Variants in YIPF5 observed in about 807,000 individuals in gnomAD.
The protein encoded by YIPF5 is Yip1 domain family member 5.
A neutral mutation model predicts 30.4 loss-of-function variants in YIPF5; 8 were observed. That is an observed-to-expected ratio of 0.26 (90% confidence interval 0.15 to 0.47). The LOEUF is 0.47. YIPF5 is among the 20% of genes least tolerant of loss of function. The pLI, the probability that YIPF5 is intolerant of heterozygous loss-of-function variation, is 0.99. For missense variants in YIPF5, 282 were observed against 301.8 expected, an observed-to-expected ratio of 0.93 and a Z score of 0.49; for synonymous variants, 104 against 107.9, an observed-to-expected ratio of 0.96 and a Z score of 0.23.
In YIPF5 at chr5:144,165,580, C is replaced by T. The variant is rs369033320; in HGVS notation, c.135G>A (p.Ser45=). 2.2e-4 allele frequency: 357 copies of T among 1,613,914 alleles called. 1 individual carries two copies. In the South Asian group the frequency reaches 2.7e-3, roughly 12 times the overall value. ...CTGGAGGGACAAATCTGCCTTGCTGCGAATAGTCATAGCCAGCATACTGTC... is the reference window on the plus strand; with the variant it reads ...CTGGAGGGACAAATCTGCCTTGCTGTGAATAGTCATAGCCAGCATACTGTC... ...YSKQYAGYDY[S]QQGRFVPPDM... The change falls in exon 3 of 6, where the codon TCG becomes TCA. Residue 45 remains serine (S), a synonymous_variant. Transcript: ENST00000274496.
In YIPF5 at chr5:144,159,108, A is replaced by C. The variant is rs1751953469; in HGVS notation, c.*1289T>G. 1.0e-6 allele frequency: 1 copy of C among 981,540 alleles called. No individual in the cohort carries two copies. The highest frequency in any genetic ancestry group is 4.7e-5 in the South Asian group (1 of 21,220). 60.8% of individuals were successfully genotyped at this position (981,540 alleles called of 1,614,324 possible). A position where few individuals can be genotyped will look rare whatever the true frequency, so the allele number is the denominator to read the frequency against. On this transcript the variant is annotated 3_prime_UTR_variant, in exon 6 of 6. Coordinates refer to ENST00000274496, the MANE Select transcript of YIPF5 (RefSeq NM_030799.9). ...AAATCAAATAAATTTAATACAATAAAATAATGTAACTCAAACTGCTCATTT... is the reference window on the plus strand; with the variant it reads ...AAATCAAATAAATTTAATACAATAACATAATGTAACTCAAACTGCTCATTT...
At chr5:144,163,884 T>C (rs745952701) in intron 4 of YIPF5, 3 of 389,596 alleles carry the variant, frequency 7.7e-6, no homozygotes, top group Non-Finnish European at 1.3e-5. Flanking sequence ...TTTTTTCCCC[T>C]AATAATTTAA....
At chr5:144,162,119 A>T (rs1489596693) in intron 5 of YIPF5, 99 bp downstream of exon 5, 29 of 1,296,296 alleles carry the variant, frequency 2.2e-5, no homozygotes, top group Non-Finnish European at 3.0e-5. Flanking sequence ...ACTATCTGAT[A>T]TGTTTGCTGA....
chr5:144,163,290 T>G (rs1416902000), intron 4 of YIPF5, among the ~76,000 whole-genome samples: 1 of 152,192 alleles, frequency 6.6e-6, no homozygotes. Context: ...AATACTTGAT[T>G]AAAAATGCAG....
chr5:144,165,669 A>C, intron 2 of YIPF5, 65 bp from the exon 3 acceptor site: 3 of 1,477,932 alleles, frequency 2.0e-6, no homozygotes, highest in Non-Finnish European at 2.7e-6. Context: ...ATATCCCTTA[A>C]ATTCCTAAAT....
At position 144,158,503 on chromosome 5, in the gene YIPF5, C is replaced by G; in HGVS notation, c.*1894G>C. 8.2e-7 allele frequency: 1 copy of G among 1,221,212 alleles called. No individual in the cohort carries two copies. Among genetic ancestry groups the G allele is most frequent in the Non-Finnish European group, 1.0e-6 (1 of 965,486 alleles). The allele number at this position is 1,221,212 out of a possible 1,614,324, so 75.6% of individuals were successfully genotyped here. On this transcript the variant is annotated 3_prime_UTR_variant, in exon 6 of 6. Transcript: ENST00000274496. ...GAAGATTAACAGTGTTAAGTCTAACCAACAGCGAGATAATTTTAATTTCCA... is the reference window on the plus strand; with the variant it reads ...GAAGATTAACAGTGTTAAGTCTAACGAACAGCGAGATAATTTTAATTTCCA...
rs559859804 is a variant in YIPF5 at position 144,159,513 on chromosome 5, G to T, written c.*884C>A. ...TCATGTCTACAATAAGGTAGATTGT[G>T]AACTTCCCGTATCTCTGAATTTTAG... is the stretch of plus-strand genomic sequence containing the variant. On this transcript the variant is annotated 3_prime_UTR_variant, in exon 6 of 6. Transcript: ENST00000274496. 9 of 985,232 alleles carry T rather than the reference G, an allele frequency of 9.1e-6. No homozygotes were observed. In the South Asian group the frequency reaches 4.2e-4, roughly 46 times the overall value. 61.0% of individuals were successfully genotyped at this position (985,232 alleles called of 1,614,324 possible).
intron 4 of YIPF5, chr5:144,163,880 C>G: frequency 2.8e-6 from 1 of 361,654 alleles, no homozygotes; most frequent in East Asian, 4.6e-5. Context: ...TTTGTTTTTT[C>G]CCCTAATAAT....
chr5:144,163,047 C>T (rs1379133597), intron 4 of YIPF5, among the ~76,000 whole-genome samples: 1 of 152,058 alleles, frequency 6.6e-6, no homozygotes, highest in Non-Finnish European at 1.5e-5. Context: ...GAAAAGACAA[C>T]AATAAACAGT....
At position 144,160,367 on chromosome 5, in the gene YIPF5, C is replaced by T; in HGVS notation, c.*30G>A. ...TTCAAGGTCCTTTTTGTACATCTGG[C>T]CCACTGATGTCCACATCCCAGATAA... is the stretch of plus-strand genomic sequence containing the variant. On this transcript the variant is annotated 3_prime_UTR_variant, in exon 6 of 6. Transcript: ENST00000274496. The T allele has an allele frequency of 1.3e-6, 2 of 1,598,074 alleles. No homozygotes were observed. The highest frequency in any genetic ancestry group is 8.5e-7 in the Non-Finnish European group (1 of 1,169,680).
At chr5:144,170,030 A>C (rs1022857141) in intron 1 of YIPF5, 65 bp from the exon 2 acceptor site, 20 of 1,299,606 alleles carry the variant, frequency 1.5e-5, no homozygotes, top group Non-Finnish European at 2.2e-5. Flanking sequence ...CGTTCCTGGC[A>C]GTCTGCTTAA....
At position 144,159,046 on chromosome 5, in the gene YIPF5, CCT is replaced by C; in HGVS notation, c.*1349_*1350del. 1.0e-6 allele frequency: 1 copy of C among 984,230 alleles called. No homozygotes were observed. The highest frequency in any genetic ancestry group is 1.2e-6 in the Non-Finnish European group (1 of 828,970). 61.0% of individuals were successfully genotyped at this position (984,230 alleles called of 1,614,324 possible). A position where few individuals can be genotyped will look rare whatever the true frequency, so the allele number is the denominator to read the frequency against. On this transcript the variant is annotated 3_prime_UTR_variant, in exon 6 of 6. Coordinates refer to ENST00000274496, the MANE Select transcript of YIPF5 (RefSeq NM_030799.9). ...ATCAGTATACAAGATACAGTATTTT[CCT>C]ACAGATTCTCTCTGGCAAGAGAACA...
chr5:144,168,352 G>C (rs185289344), intron 2 of YIPF5, among the ~76,000 whole-genome samples: 1 of 152,230 alleles, frequency 6.6e-6, no homozygotes. Context: ...AATCTAAATG[G>C]AATAGCTCTG....
intron 2 of YIPF5, among the ~76,000 whole-genome samples, chr5:144,168,166 A>T (rs1160899998): frequency 6.6e-6 from 1 of 152,228 alleles, no homozygotes; most frequent in East Asian, 1.9e-4. Flanking sequence ...CTGTGAGAAC[A>T]GTTGGCAACA....
chr5:144,163,985 G>T, intron 4 of YIPF5, 126 bp downstream of exon 4: 1 of 1,138,130 alleles, frequency 8.8e-7, no homozygotes, highest in South Asian at 1.6e-5. Flanking sequence ...AAGCAACTCA[G>T]TACTATTCCA....
Position 144,160,203 on chromosome 5 carries a change from C to T in YIPF5, c.*194G>A. 7.5e-7 allele frequency: 1 copy of T among 1,333,140 alleles called. No individual in the cohort carries two copies. The allele number at this position is 1,333,140 out of a possible 1,614,324, so 82.6% of individuals were successfully genotyped here. On this transcript the variant is annotated 3_prime_UTR_variant, in exon 6 of 6. Coordinates refer to ENST00000274496, the MANE Select transcript of YIPF5 (RefSeq NM_030799.9). ...ACACAAACATTTAAAGCTAGTCACA[C>T]CGCAGGTAAATCCAATATAGTATGC...
Position 144,159,451 on chromosome 5 carries a change from T to C in YIPF5, c.*946A>G, listed in dbSNP as rs1219677046. 4 of 985,188 alleles carry C rather than the reference T, an allele frequency of 4.1e-6. No individual in the cohort carries two copies. Among genetic ancestry groups the C allele is most frequent in the Non-Finnish European group, 4.8e-6 (4 of 829,882 alleles). 61.0% of individuals were successfully genotyped at this position (985,188 alleles called of 1,614,324 possible). ...ATGCAACCATTCCAGGTCCCTAAGG[T>C]TGAGTTAACATTAATATGTAAGTAA... On this transcript the variant is annotated 3_prime_UTR_variant, in exon 6 of 6. Coordinates refer to ENST00000274496, the MANE Select transcript of YIPF5 (RefSeq NM_030799.9).
Position 144,168,183 on chromosome 5 carries a change from A to T in YIPF5, c.110+1663T>A, listed in dbSNP as rs148581972. Among the ~76,000 whole-genome samples the T allele has an allele frequency of 4.6e-5, 7 of 152,336 alleles. No individual in the cohort carries two copies. The East Asian group carries it at 1.3e-3, about 29-fold the overall frequency. ...GTGAGAACAGTTGGCAACAGGTGCTAACCAGCAACAAGTTGTTTAGAATAT... is the reference window on the plus strand; with the variant it reads ...GTGAGAACAGTTGGCAACAGGTGCTTACCAGCAACAAGTTGTTTAGAATAT... On this transcript the variant is annotated intron_variant, in intron 2 of 5. Transcript: ENST00000274496.
At chr5:144,170,014 T>C in intron 1 of YIPF5, 49 bp from the exon 2 acceptor site, 1 of 1,482,710 alleles carries the variant, frequency 6.7e-7, no homozygotes. Flanking sequence ...AAGGTTCTAC[T>C]GAATTCGTTC....
Sources: gnomAD v4.1 joint callset for allele counts (sites outside exome capture counted in the v4.1 genomes callset) on GRCh38, gnomAD v4.1.1 for gene constraint, MANE v1.5 for transcripts, NCBI Gene and HGNC (gene_info 2026-07-23, HGNC 2026-07-21) for gene names.